The following GPR39 variants were observed in gnomAD, a reference collection of about 807,000 sequenced individuals.
GPR39 encodes G protein-coupled receptor 39.
Under a neutral mutation model 18.4 loss-of-function variants are expected in GPR39, and 23 were observed. The ratio of observed to expected loss-of-function variants is 1.25; its 90% CI spans 0.90 to 1.77. GPR39 has a LOEUF of 1.77. GPR39 is among the 40% of genes most tolerant of loss of function. The probability of loss-of-function intolerance (pLI) is 0.00; values close to 1 mark genes in which losing one functional copy is unlikely to be tolerated. For synonymous variants in GPR39, 280 were observed against 257.9 expected (o/e 1.09, Z -0.82); for missense variants, 647 against 602.4 (o/e 1.07, Z -0.78).
At position 132,457,031 on chromosome 2, in the gene GPR39, G is replaced by T. The variant is rs190388765; in HGVS notation, c.856+39133G>T. Among the ~76,000 whole-genome samples, 270 of 152,288 alleles carry T rather than the reference G, an allele frequency of 1.8e-3. 2 individuals carry two copies. Among genetic ancestry groups the T allele is most frequent in the African/African-American group, 5.9e-3 (246 of 41,540 alleles). On this transcript the variant is annotated intron_variant, in intron 1 of 1. Coordinates refer to ENST00000329321, the MANE Select transcript of GPR39 (RefSeq NM_001508.3). ...CTGAATTGGAATGCTGGCCTGCCTT[G>T]CTAGGTTGGAGAAGTTCTCCTGGAT...
chr2:132,558,971 A>C (rs1290582033), intron 1 of GPR39, among the ~76,000 whole-genome samples: 1 of 152,204 alleles, frequency 6.6e-6, no homozygotes, highest in Non-Finnish European at 1.5e-5. Flanking sequence ...GCCCCAAAAG[A>C]AATAGAAAAA....
chr2:132,642,419 A>G (rs1009343120), intron 1 of GPR39, among the ~76,000 whole-genome samples: 2 of 152,170 alleles, frequency 1.3e-5, no homozygotes, highest in African/African-American at 2.4e-5. Flanking sequence ...ACAACTCTTT[A>G]TCTACCCCTG....
intron 1 of GPR39, among the ~76,000 whole-genome samples, chr2:132,492,856 T>C (rs1307994377): frequency 6.3e-5 from 9 of 142,172 alleles, no homozygotes; most frequent in African/African-American, 2.1e-4. Flanking sequence ...ACACCATATA[T>C]ATACCATATA....
intron 1 of GPR39, among the ~76,000 whole-genome samples, chr2:132,594,807 A>C (rs1036339121): frequency 6.6e-6 from 1 of 151,604 alleles, no homozygotes; most frequent in African/African-American, 2.4e-5. Flanking sequence ...CTCTTGGGAG[A>C]GTTACTTCGC....
chr2:132,475,654 A>G (rs1681113002), intron 1 of GPR39, among the ~76,000 whole-genome samples: 1 of 152,072 alleles, frequency 6.6e-6, no homozygotes, highest in South Asian at 2.1e-4. Flanking sequence ...TCGAGGCTGC[A>G]CATTTGACCT....
intron 1 of GPR39, among the ~76,000 whole-genome samples, chr2:132,616,564 G>T (rs1681338314): frequency 6.6e-6 from 1 of 152,104 alleles, no homozygotes; most frequent in Non-Finnish European, 1.5e-5. Context: ...TTCACAGCTG[G>T]GTTGACCTTC....
At chr2:132,567,336 C>T (rs1019876712) in intron 1 of GPR39, among the ~76,000 whole-genome samples, 3 of 152,088 alleles carry the variant, frequency 2.0e-5, no homozygotes, top group Admixed American at 2.0e-4. Context: ...AAAGTGGAGC[C>T]TTTAAAAGGT....
intron 1 of GPR39, among the ~76,000 whole-genome samples, chr2:132,554,416 C>T (rs1680107040): frequency 6.6e-6 from 1 of 152,180 alleles, no homozygotes. Context: ...TCTCACTTAT[C>T]TGCTTCAAAC....
intron 1 of GPR39, among the ~76,000 whole-genome samples, chr2:132,446,741 G>A (rs1404064269): frequency 2.0e-5 from 3 of 152,108 alleles, no homozygotes. Flanking sequence ...TAATGGAGAT[G>A]AGATGGGAGC....
At chr2:132,580,017 A>T (rs896501607) in intron 1 of GPR39, among the ~76,000 whole-genome samples, 2 of 152,228 alleles carry the variant, frequency 1.3e-5, no homozygotes, top group Non-Finnish European at 2.9e-5. Flanking sequence ...GACTTCTGTT[A>T]AAATTCAGAG....
rs112141531 is a variant in GPR39, at chr2:132,424,777, T to C, written c.856+6879T>C. On this transcript the variant is annotated intron_variant, in intron 1 of 1. Coordinates refer to ENST00000329321, the MANE Select transcript of GPR39 (RefSeq NM_001508.3). ...GGGTCAAAGTACAGGCCTGGCTGTG[T>C]TTATAGAATAAAAAAACAGACAACC... Among the ~76,000 whole-genome samples the C allele has an allele frequency of 6.8e-3, 1,029 of 152,274 alleles. 13 individuals are homozygous for C. Among genetic ancestry groups the C allele is most frequent in the African/African-American group, 0.023 (951 of 41,540 alleles).
chr2:132,622,202 A>C (rs10183170), intron 1 of GPR39, among the ~76,000 whole-genome samples: 3,300 of 152,206 alleles, frequency 0.022, 116 homozygotes, highest in African/African-American at 0.075. Flanking sequence ...GAGACCAGCC[A>C]GGCCAAAATG....
chr2:132,490,627 T>A (rs1448125507), intron 1 of GPR39, among the ~76,000 whole-genome samples: 1 of 151,810 alleles, frequency 6.6e-6, no homozygotes, highest in South Asian at 2.1e-4. Context: ...TTAAGTGACC[T>A]GGGAATGTGA....
intron 1 of GPR39, among the ~76,000 whole-genome samples, chr2:132,508,854 T>C (rs1470504168): frequency 6.6e-6 from 1 of 152,162 alleles, no homozygotes; most frequent in African/African-American, 2.4e-5. Context: ...TCCAACCTTA[T>C]GTTCCCAGTT....
chr2:132,582,935 TTTG>T (rs1476194643), intron 1 of GPR39, among the ~76,000 whole-genome samples: 1,620 of 148,936 alleles, frequency 0.011, 33 homozygotes, highest in African/African-American at 0.038. Context: ...TTTTTTTTTT[TTTG>T]GAGATAGGGT....
At chr2:132,450,191 C>G (rs150496936) in intron 1 of GPR39, among the ~76,000 whole-genome samples, 1 of 152,266 alleles carries the variant, frequency 6.6e-6, no homozygotes, top group African/African-American at 2.4e-5. Flanking sequence ...GTGCTGGAAT[C>G]AAAACTACCT....
At chr2:132,644,815 C>T (rs948261088) in intron 1 of GPR39, 5 of 380,774 alleles carry the variant, frequency 1.3e-5, no homozygotes. Context: ...CCAATGAAAA[C>T]ATTTTTTTAA....
intron 1 of GPR39, among the ~76,000 whole-genome samples, chr2:132,553,859 A>G (rs1179702957): frequency 6.6e-6 from 1 of 152,116 alleles, no homozygotes; most frequent in Non-Finnish European, 1.5e-5. Flanking sequence ...ACTCTGCCTG[A>G]AAAAAACACC....
chr2:132,437,289 C>T (rs1346219213), intron 1 of GPR39, among the ~76,000 whole-genome samples: 4 of 152,184 alleles, frequency 2.6e-5, no homozygotes, highest in South Asian at 2.1e-4. Flanking sequence ...ATTTCATTAA[C>T]GAAAATGCCA....
Sources: allele counts gnomAD v4.1 joint callset (sites outside exome capture counted in the v4.1 genomes callset), GRCh38; gene constraint gnomAD v4.1.1; transcripts MANE v1.5; gene names NCBI Gene and HGNC (gene_info 2026-07-23, HGNC 2026-07-21).